The following ARHGAP15 variants were observed in gnomAD, a reference collection of about 807,000 sequenced individuals.
ARHGAP15 encodes the protein Rho GTPase activating protein 15.
Under a neutral mutation model 63.7 loss-of-function variants are expected in ARHGAP15, and 51 were observed. The observed-to-expected ratio is 0.80, with a 90% confidence interval of 0.64 to 1.01. The LOEUF (loss-of-function observed/expected upper bound fraction) is 1.01, where lower values mean the gene tolerates loss of function less well. Ranked by LOEUF, ARHGAP15 falls within the 50% of genes least tolerant of loss-of-function variation. The pLI is 0.00. For missense variants in ARHGAP15, 560 were observed against 564.6 expected, an observed-to-expected ratio of 0.99 and a Z score of 0.08; for synonymous variants, 191 against 193.8, an observed-to-expected ratio of 0.99 and a Z score of 0.12.
At chr2:143,729,121 C>T (rs560277218) in intron 13 of ARHGAP15, among the ~76,000 whole-genome samples, 6 of 152,190 alleles carry the variant, frequency 3.9e-5, no homozygotes, top group African/African-American at 7.2e-5. Flanking sequence ...GTTACCCCTG[C>T]GGCTCACATA....
chr2:143,498,246 C>G (rs139306439), intron 9 of ARHGAP15, among the ~76,000 whole-genome samples: 1 of 152,238 alleles, frequency 6.6e-6, no homozygotes, highest in African/African-American at 2.4e-5. Context: ...CTTACCCCAC[C>G]TGATTAGTGA....
chr2:143,685,634 G>A (rs1194626824), intron 12 of ARHGAP15, among the ~76,000 whole-genome samples: 1 of 152,188 alleles, frequency 6.6e-6, no homozygotes, highest in Non-Finnish European at 1.5e-5. Context: ...TGACAGGTCT[G>A]TGTTAGCAGG....
intron 6 of ARHGAP15, among the ~76,000 whole-genome samples, chr2:143,329,502 C>T (rs1684409624): frequency 6.6e-6 from 1 of 151,960 alleles, no homozygotes; most frequent in African/African-American, 2.4e-5. Flanking sequence ...AAAGAGGACC[C>T]CAAAGCCTCA....
chr2:143,646,838 T>C (rs183002950), intron 12 of ARHGAP15, among the ~76,000 whole-genome samples: 69 of 152,082 alleles, frequency 4.5e-4, no homozygotes, highest in Admixed American at 1.3e-3. Context: ...AATCAAATGA[T>C]TAAGTGCTTG....
chr2:143,373,638 A>C (rs974546518), intron 6 of ARHGAP15, among the ~76,000 whole-genome samples: 1 of 149,172 alleles, frequency 6.7e-6, no homozygotes, highest in Non-Finnish European at 1.5e-5. Context: ...TCAAAAAAAA[A>C]AAAAAAAAAA....
At chr2:143,217,192 T>G (rs1692790173) in intron 4 of ARHGAP15, among the ~76,000 whole-genome samples, 1 of 152,158 alleles carries the variant, frequency 6.6e-6, no homozygotes, top group South Asian at 2.1e-4. Context: ...ATAGGATAAA[T>G]GTACTAATTA....
intron 6 of ARHGAP15, among the ~76,000 whole-genome samples, chr2:143,304,276 A>T (rs961736090): frequency 2.6e-5 from 4 of 152,174 alleles, no homozygotes; most frequent in African/African-American, 9.7e-5. Context: ...ATGCAGCCAT[A>T]AAAAAGGATG....
chr2:143,597,334 A>G (rs1204191662), intron 11 of ARHGAP15, among the ~76,000 whole-genome samples: 1 of 152,152 alleles, frequency 6.6e-6, no homozygotes, highest in Non-Finnish European at 1.5e-5. Context: ...GATGCATAAT[A>G]TGTATATATT....
chr2:143,328,280 C>T (rs956031092), intron 6 of ARHGAP15, among the ~76,000 whole-genome samples: 4 of 152,130 alleles, frequency 2.6e-5, no homozygotes, highest in African/African-American at 9.7e-5. Flanking sequence ...TCTATAAAGA[C>T]ACATGCACAT....
chr2:143,375,936 G>A (rs2104927564), intron 6 of ARHGAP15, among the ~76,000 whole-genome samples: 1 of 152,316 alleles, frequency 6.6e-6, no homozygotes, highest in Admixed American at 6.5e-5. Flanking sequence ...TAAAGAAAAA[G>A]TAGAAAATGA....
intron 9 of ARHGAP15, among the ~76,000 whole-genome samples, chr2:143,516,112 T>C (rs765765991): frequency 6.6e-6 from 1 of 152,204 alleles, no homozygotes; most frequent in African/African-American, 2.4e-5. Flanking sequence ...TCCCCAGTTA[T>C]AGCAGTTTTC....
At chr2:143,625,553 C>T (rs1698804587) in intron 12 of ARHGAP15, among the ~76,000 whole-genome samples, 1 of 152,064 alleles carries the variant, frequency 6.6e-6, no homozygotes, top group Non-Finnish European at 1.5e-5. Context: ...AACTCTTATC[C>T]CTTGTCGTGA....
chr2:143,289,144 A>G lies in ARHGAP15; in HGVS notation c.474+38544A>G, dbSNP rs1293561168. 2.0e-5 allele frequency among the ~76,000 whole-genome samples: 3 copies of G among 152,210 alleles called. 1 individual carries two copies. The East Asian group carries it at 5.8e-4, about 30-fold the overall frequency. On this transcript the variant is annotated intron_variant, in intron 6 of 13. Coordinates refer to ENST00000295095, the MANE Select transcript of ARHGAP15 (RefSeq NM_018460.4). ...TTTTTATATGTTTTCTTGTGACAGC[A>G]CTAGTTTAACAGAAAATAGTTGGAG... is the stretch of plus-strand genomic sequence containing the variant.
chr2:143,609,690 C>A (rs79244736), intron 11 of ARHGAP15, among the ~76,000 whole-genome samples: 1 of 152,236 alleles, frequency 6.6e-6, no homozygotes, highest in Admixed American at 6.5e-5. Flanking sequence ...TTTGCCCCCC[C>A]ACCTCATACC....
In ARHGAP15 at chr2:143,477,796, C is replaced by T. The variant is rs148795306; in HGVS notation, c.704-9577C>T. ...TATCAATGGTTCTTATCTGCTTTTC[C>T]CCAAGTCCTGATCCTGAACTCTTAC... is the stretch of plus-strand genomic sequence containing the variant. On this transcript the variant is annotated intron_variant, in intron 8 of 13. Transcript: ENST00000295095. Among the ~76,000 whole-genome samples, 666 of 152,220 alleles carry T rather than the reference C, an allele frequency of 4.4e-3. 8 individuals carry two copies. Among genetic ancestry groups the T allele is most frequent in the South Asian group, 0.023 (113 of 4,810 alleles).
chr2:143,678,808 T>C (rs1222810073), intron 12 of ARHGAP15, among the ~76,000 whole-genome samples: 1 of 152,222 alleles, frequency 6.6e-6, no homozygotes, highest in Non-Finnish European at 1.5e-5. Flanking sequence ...ACTTCACTGA[T>C]TGTATTTTCA....
intron 12 of ARHGAP15, among the ~76,000 whole-genome samples, chr2:143,665,780 A>C (rs1425291807): frequency 1.3e-5 from 2 of 151,910 alleles, no homozygotes; most frequent in Admixed American, 1.3e-4. Flanking sequence ...AATAACAGAC[A>C]AACAGAAAGC....
chr2:143,413,966 T>TGTGTGTGTGTGTGCGCGCGCACGC, intron 6 of ARHGAP15, among the ~76,000 whole-genome samples: 2 of 117,910 alleles, frequency 1.7e-5, no homozygotes, highest in Admixed American at 1.8e-4. Flanking sequence ...TGTGTGTGTG[T>TGTGTGTGTGTGTGCGCGCGCACGC]GCGCGCTCTC....
At chr2:143,626,701 T>C (rs1698850163) in intron 12 of ARHGAP15, among the ~76,000 whole-genome samples, 1 of 152,114 alleles carries the variant, frequency 6.6e-6, no homozygotes, top group Non-Finnish European at 1.5e-5. Context: ...GATTGGTGCA[T>C]TTTACAGAGC....
Sources: allele counts gnomAD v4.1 joint callset (sites outside exome capture counted in the v4.1 genomes callset), GRCh38; gene constraint gnomAD v4.1.1; transcripts MANE v1.5; gene names NCBI Gene and HGNC (gene_info 2026-07-23, HGNC 2026-07-21).